PEX26: variants seen among roughly 807,000 people sequenced by gnomAD.
PEX26 encodes peroxisome assembly protein 26.
A neutral mutation model predicts 31.4 loss-of-function variants in PEX26; 18 were observed. The ratio of observed to expected loss-of-function variants is 0.57; its 90% confidence interval spans 0.40 to 0.85. The LOEUF is 0.85. PEX26 is among the 40% of genes least tolerant of loss of function. The pLI, the probability that PEX26 is intolerant of heterozygous loss-of-function variation, is 0.00. For synonymous variants in PEX26, 176 were observed against 166.9 expected, an observed-to-expected ratio of 1.05 and a Z score of -0.42; for missense variants, 377 against 383.9, an observed-to-expected ratio of 0.98 and a Z score of 0.15.
At chr22:18,086,641 G>A (rs1045832762) in intron 4 of PEX26, among the ~76,000 whole-genome samples, 2 of 152,084 alleles carry the variant, frequency 1.3e-5, no homozygotes, top group African/African-American at 2.4e-5. Flanking sequence ...CTTGGCACTC[G>A]CTCTTTTAGA....
At chr22:18,084,237 C>CTCTTTTTTTTTTTTTTTTTTTTTT (rs1556589212) in intron 3 of PEX26, among the ~76,000 whole-genome samples, 1 of 95,320 alleles carries the variant, frequency 1.0e-5, no homozygotes. Flanking sequence ...ATCTCTCTCT[C>CTCTTTTTTTTTTTTTTTTTTTTTT]TTTTTTTTTT....
Position 18,079,922 on chromosome 22 carries a change from G to C in PEX26, c.279G>C (p.Leu93=). The part of the protein sequence containing the change: ...CSLCVVGIQA[L]AEMDRWQEVL... Reference sequence around the variant, plus strand: ...TGTGTGTTGTGGGGATCCAGGCCCTGGCAGAAATGGATCGGTGGCAAGAAG... The same window carrying C: ...TGTGTGTTGTGGGGATCCAGGCCCTCGCAGAAATGGATCGGTGGCAAGAAG... Residue 93 remains leucine, a synonymous_variant, in exon 2 of 5, where the codon CTG becomes CTC. Coordinates refer to ENST00000399744, the MANE Select transcript of PEX26 (RefSeq NM_001127649.3). 1 of 1,614,106 alleles carries C rather than the reference G, an allele frequency of 6.2e-7. No individual in the cohort carries two copies. Among genetic ancestry groups the C allele is most frequent in the South Asian group, 1.1e-5 (1 of 91,082 alleles).
chr22:18,100,969 G>T lies in PEX26; in HGVS notation c.*12894G>T, dbSNP rs1056229714. 6.6e-6 allele frequency: 1 copy of T among 152,148 alleles called. No individual in the cohort carries two copies. Among genetic ancestry groups the T allele is most frequent in the African/African-American group, 2.4e-5 (1 of 41,438 alleles). 9.4% of individuals were successfully genotyped at this position (152,148 alleles called of 1,614,324 possible). A position where few individuals can be genotyped will look rare whatever the true frequency, so the allele number is the denominator to read the frequency against. ...CACTCACTGGTACCCCATACAACAG[G>T]AATGAATGCCGACTTAGCATTTTTG... On this transcript the variant is annotated 3_prime_UTR_variant, in exon 5 of 5. Coordinates refer to ENST00000399744, the MANE Select transcript of PEX26 (RefSeq NM_001127649.3).
chr22:18,083,364 G>A, intron 2 of PEX26, 73 bp from the exon 3 acceptor site: 1 of 1,462,152 alleles, frequency 6.8e-7, no homozygotes, highest in Non-Finnish European at 9.6e-7. Context: ...GAAGCATAGT[G>A]GTCATGGGAA....
At position 18,093,806 on chromosome 22, in the gene PEX26, G is replaced by A. The variant is rs978146840; in HGVS notation, c.*5731G>A. The A allele has an allele frequency of 6.6e-6, 1 of 152,192 alleles. No homozygotes were observed. The highest frequency in any genetic ancestry group is 1.5e-5 in the Non-Finnish European group (1 of 68,038). 9.4% of individuals were successfully genotyped at this position (152,192 alleles called of 1,614,324 possible). A position where few individuals can be genotyped will look rare whatever the true frequency, so the allele number is the denominator to read the frequency against. ...CCCTCTTGGCAGCCCATGCACTTGAGAACCTGTAGAAAATGGCAGTGTGCA... is the reference window on the plus strand; with the variant it reads ...CCCTCTTGGCAGCCCATGCACTTGAAAACCTGTAGAAAATGGCAGTGTGCA... On this transcript the variant is annotated 3_prime_UTR_variant, in exon 5 of 5. Coordinates refer to ENST00000399744, the MANE Select transcript of PEX26 (RefSeq NM_001127649.3).
chr22:18,082,870 C>T (rs1474308151), intron 2 of PEX26, among the ~76,000 whole-genome samples: 2 of 152,214 alleles, frequency 1.3e-5, no homozygotes, highest in African/African-American at 4.8e-5. Context: ...CAACTTCTTT[C>T]ATCAATGTTT....
chr22:18,081,938 T>C (rs1926629594), intron 2 of PEX26, among the ~76,000 whole-genome samples: 1 of 152,180 alleles, frequency 6.6e-6, no homozygotes, highest in Admixed American at 6.5e-5. Context: ...TAGTGTCTCA[T>C]TGTGGTTTTG....
chr22:18,078,336 C>T lies in PEX26; in HGVS notation c.-41C>T, dbSNP rs988740478. 5.5e-6 allele frequency: 8 copies of T among 1,459,784 alleles called. No individual in the cohort carries two copies. The highest frequency in any genetic ancestry group is 7.6e-6 in the Non-Finnish European group (8 of 1,054,004). The allele number at this position is 1,459,784 out of a possible 1,614,324, so 90.4% of individuals were successfully genotyped here. Reference sequence around the variant, plus strand: ...CCCGGAGCCTCTGGGGAGGCGGTCACTCCGACGTCTGAGGACCTGGGCCTT... The same window carrying T: ...CCCGGAGCCTCTGGGGAGGCGGTCATTCCGACGTCTGAGGACCTGGGCCTT... On this transcript the variant is annotated 5_prime_UTR_variant, in exon 1 of 5. Transcript: ENST00000399744.
Position 18,088,138 on chromosome 22 carries a change from G to C in PEX26, c.*63G>C. On this transcript the variant is annotated 3_prime_UTR_variant, in exon 5 of 5. Transcript: ENST00000399744. This position sits in a 1 kb window ranked among gnomAD's most constrained non-coding sequence, Gnocchi z 4.1. ...CCGTGGCCACAGAAGCAGAGCGACA[G>C]AGCGACACATCCACAGGCGCCCCTG... 9.0e-7 allele frequency: 1 copy of C among 1,107,238 alleles called. No individual in the cohort carries two copies. The highest frequency in any genetic ancestry group is 1.4e-6 in the Non-Finnish European group (1 of 723,920). 68.6% of individuals were successfully genotyped at this position (1,107,238 alleles called of 1,614,324 possible). A position where few individuals can be genotyped will look rare whatever the true frequency, so the allele number is the denominator to read the frequency against.
rs747165381 is a variant in PEX26 at position 18,078,247 on chromosome 22, T to C, written c.-130T>C. 1.3e-6 allele frequency: 1 copy of C among 753,850 alleles called. No individual in the cohort carries two copies. The highest frequency in any genetic ancestry group is 2.3e-6 in the Non-Finnish European group (1 of 432,404). The allele number at this position is 753,850 out of a possible 1,614,324, so 46.7% of individuals were successfully genotyped here. ...CCTTTTCCTTCTCGGGGAATCGACC[T>C]CGGGAAGGGGTGTGGGCAAAGAGAT... On this transcript the variant is annotated 5_prime_UTR_variant, in exon 1 of 5. Transcript: ENST00000399744.
rs1363610709 is a variant in PEX26, at chr22:18,088,624, C to T, written c.*549C>T. 4.9e-6 allele frequency: 1 copy of T among 204,306 alleles called. No individual in the cohort carries two copies. Among genetic ancestry groups the T allele is most frequent in the East Asian group, 1.2e-4 (1 of 8,628 alleles). 12.7% of individuals were successfully genotyped at this position (204,306 alleles called of 1,614,324 possible). On this transcript the variant is annotated 3_prime_UTR_variant, in exon 5 of 5. Coordinates refer to ENST00000399744, the MANE Select transcript of PEX26 (RefSeq NM_001127649.3). This position sits in a 1 kb window ranked among gnomAD's most constrained non-coding sequence, Gnocchi z 4.1. ...TGAAACCCCATCTCTACTAAAAATACAAAAATTAGCTAGATGTGGTGCACG... is the reference window on the plus strand; with the variant it reads ...TGAAACCCCATCTCTACTAAAAATATAAAAATTAGCTAGATGTGGTGCACG...
chr22:18,078,824 A>AAG, intron 1 of PEX26: 2 of 698,804 alleles, frequency 2.9e-6, no homozygotes, highest in Non-Finnish European at 2.6e-6. Context: ...ACAGCCAATT[A>AAG]TTTGCTCCTT....
At chr22:18,086,969 C>T (rs916124386) in intron 4 of PEX26, among the ~76,000 whole-genome samples, 1 of 151,590 alleles carries the variant, frequency 6.6e-6, no homozygotes, top group Non-Finnish European at 1.5e-5. Flanking sequence ...CTGGAGTGCA[C>T]CGGCGTGATC....
intron 1 of PEX26, 34 bp from the exon 2 acceptor site, chr22:18,079,840 C>G (rs755617520): frequency 6.2e-7 from 1 of 1,613,678 alleles, no homozygotes; most frequent in Non-Finnish European, 8.5e-7. Context: ...GGAGGGGAAC[C>G]ACTTCTAACT....
chr22:18,081,915 A>C (rs1021224462), intron 2 of PEX26, among the ~76,000 whole-genome samples: 2 of 152,124 alleles, frequency 1.3e-5, no homozygotes, highest in Non-Finnish European at 2.9e-5. Flanking sequence ...GAGCTGTTCT[A>C]ACTGGAGCGA....
intron 2 of PEX26, among the ~76,000 whole-genome samples, chr22:18,082,129 A>T (rs578016654): frequency 4.3e-4 from 61 of 140,752 alleles, no homozygotes; most frequent in African/African-American, 1.6e-3. Flanking sequence ...TGTCAGATGG[A>T]TAGTTTGCAA....
At position 18,078,338 on chromosome 22, in the gene PEX26, C is replaced by T. The variant is rs766873426; in HGVS notation, c.-39C>T. The T allele has an allele frequency of 4.7e-6, 7 of 1,473,958 alleles. No individual in the cohort carries two copies. The Middle Eastern group carries it at 5.1e-4, about 108-fold the overall frequency. The allele number at this position is 1,473,958 out of a possible 1,614,324, so 91.3% of individuals were successfully genotyped here. A position where few individuals can be genotyped will look rare whatever the true frequency, so the allele number is the denominator to read the frequency against. On this transcript the variant is annotated 5_prime_UTR_variant, in exon 1 of 5. Coordinates refer to ENST00000399744, the MANE Select transcript of PEX26 (RefSeq NM_001127649.3). ...CGGAGCCTCTGGGGAGGCGGTCACTCCGACGTCTGAGGACCTGGGCCTTGG... is the reference window on the plus strand; with the variant it reads ...CGGAGCCTCTGGGGAGGCGGTCACTTCGACGTCTGAGGACCTGGGCCTTGG...
chr22:18,104,859 C>T lies in PEX26; in HGVS notation c.*16784C>T, dbSNP rs1273690582. The T allele has an allele frequency of 2.6e-5, 4 of 152,264 alleles. No individual in the cohort carries two copies. The highest frequency in any genetic ancestry group is 3.9e-4 in the East Asian group (2 of 5,186). The allele number at this position is 152,264 out of a possible 1,614,324, so 9.4% of individuals were successfully genotyped here. On this transcript the variant is annotated 3_prime_UTR_variant, in exon 5 of 5. Transcript: ENST00000399744. ...GCTGCAGCCATGTAAACCTTAAAGG[C>T]GAGCCAATTTGTTTGTGATCCAGTG...
Position 18,092,823 on chromosome 22 carries a change from T to TTGG in PEX26, c.*4748_*4749insTGG, listed in dbSNP as rs1491102832. 2.5e-5 allele frequency: 1 copy of TTGG among 39,484 alleles called. No homozygotes were observed. Among genetic ancestry groups the TTGG allele is most frequent in the African/African-American group, 8.0e-5 (1 of 12,526 alleles). 2.4% of individuals were successfully genotyped at this position (39,484 alleles called of 1,614,324 possible). On this transcript the variant is annotated 3_prime_UTR_variant, in exon 5 of 5. Coordinates refer to ENST00000399744, the MANE Select transcript of PEX26 (RefSeq NM_001127649.3). ...CTAGTGGGACCCCATTTCTTTTTTT[T>TTGG]GGGGGGGGGGTGGGTTATAAAAGCC...
Sources: gnomAD v4.1 joint callset for allele counts (sites outside exome capture counted in the v4.1 genomes callset) on GRCh38, gnomAD v4.1.1 for gene constraint, Gnocchi (gnomAD v3.1) non-coding constraint, MANE v1.5 for transcripts, NCBI Gene and HGNC (gene_info 2026-07-23, HGNC 2026-07-21) for gene names.